STK32B: variants seen among roughly 807,000 people sequenced by gnomAD.
The protein encoded by STK32B is serine/threonine-protein kinase 32B.
A neutral mutation model predicts 52.6 loss-of-function variants in STK32B; 43 were observed. That is an observed-to-expected ratio of 0.82 (90% CI 0.64 to 1.05). STK32B has a LOEUF of 1.05. Among genes scored for constraint, STK32B ranks in the 50% least tolerant of loss-of-function variants. The probability of loss-of-function intolerance (pLI) is 0.00; values close to 1 mark genes in which losing one functional copy is unlikely to be tolerated. For missense variants in STK32B, 621 were observed against 534.6 expected, an observed-to-expected ratio of 1.16 and a Z score of -1.59; for synonymous variants, 238 against 204.3, an observed-to-expected ratio of 1.17 and a Z score of -1.41.
chr4:5,161,064 C>T (rs1165869071), intron 2 of STK32B, among the ~76,000 whole-genome samples: 2 of 152,158 alleles, frequency 1.3e-5, no homozygotes, highest in Admixed American at 6.5e-5. Flanking sequence ...GGCCTTTACT[C>T]CTACATATTG....
chr4:5,211,112 C>T (rs1722879562), intron 3 of STK32B, among the ~76,000 whole-genome samples: 1 of 152,090 alleles, frequency 6.6e-6, no homozygotes, highest in African/African-American at 2.4e-5. Context: ...CTTCTTATAT[C>T]CCCTGTCTTG....
intron 1 of STK32B, among the ~76,000 whole-genome samples, chr4:5,138,403 A>AAT (rs1472837268): frequency 4.6e-5 from 7 of 152,120 alleles, no homozygotes. Context: ...TTTTTTTGTA[A>AAT]ATAACATATC....
At position 5,339,055 on chromosome 4, in the gene STK32B, TTTCTA is replaced by T. The variant is rs572314692; in HGVS notation, c.434+7663_434+7667del. The stretch of plus-strand genomic sequence containing the variant: ...AATGAAAAATTAGAGCCATTCACTC[TTTCTA>T]CTTGACTGAATTATCCATCTTCTCC... On this transcript the variant is annotated intron_variant, in intron 4 of 11. Transcript: ENST00000282908. Among the ~76,000 whole-genome samples, 492 of 152,338 alleles carry T rather than the reference TTTCTA, an allele frequency of 3.2e-3. 5 individuals carry two copies. Among genetic ancestry groups the T allele is most frequent in the South Asian group, 0.025 (120 of 4,826 alleles).
Position 5,139,938 on chromosome 4 carries a change from T to C in STK32B, c.86T>C (p.Ile29Thr). 2 of 1,614,164 alleles carry C rather than the reference T, an allele frequency of 1.2e-6. No individual in the cohort carries two copies. Among genetic ancestry groups the C allele is most frequent in the Non-Finnish European group, 1.7e-6 (2 of 1,180,024 alleles). The change falls in exon 2 of 12, where the codon ATT (isoleucine) becomes ACT (threonine). Residue 29 changes from isoleucine (I) to threonine (T), a missense_variant. Ile to Thr is a moderately conservative substitution (Grantham distance 89). Transcript: ENST00000282908. ...NFDHFQILRA[I>T]GKGSFGKVCI... is the part of the protein sequence containing the mutation. ...GACCATTTTCAGATTCTGCGGGCCATTGGTAAAGGGAGTTTTGGAAAGGTA... is the reference window on the plus strand; with the variant it reads ...GACCATTTTCAGATTCTGCGGGCCACTGGTAAAGGGAGTTTTGGAAAGGTA...
chr4:5,477,099 A>G (rs1718297476), intron 11 of STK32B, among the ~76,000 whole-genome samples: 1 of 152,146 alleles, frequency 6.6e-6, no homozygotes, highest in South Asian at 2.1e-4. Context: ...CAAGGAAACA[A>G]ATATACCTTC....
chr4:5,437,987 C>A (rs1266274540), intron 6 of STK32B: 1 of 985,338 alleles, frequency 1.0e-6, no homozygotes, highest in Non-Finnish European at 1.2e-6. Flanking sequence ...AGACATTTGT[C>A]GCTTGTCTGA....
intron 3 of STK32B, among the ~76,000 whole-genome samples, chr4:5,209,961 G>A (rs1016592466): frequency 1.3e-5 from 2 of 152,146 alleles, no homozygotes; most frequent in African/African-American, 4.8e-5. Flanking sequence ...GCTGACACAG[G>A]GATTTAGGTC....
intron 4 of STK32B, among the ~76,000 whole-genome samples, chr4:5,357,303 C>T (rs748039505): frequency 1.4e-4 from 17 of 123,106 alleles, no homozygotes; most frequent in African/African-American, 2.2e-4. Flanking sequence ...GATAAATACA[C>T]GGTCCCTTTC....
intron 3 of STK32B, among the ~76,000 whole-genome samples, chr4:5,215,809 C>T (rs546085779): frequency 6.6e-6 from 1 of 152,276 alleles, no homozygotes; most frequent in Non-Finnish European, 1.5e-5. Flanking sequence ...CTCACCTTGC[C>T]TGACTCAGGA....
chr4:5,062,537 T>TG (rs1408031585), intron 1 of STK32B, among the ~76,000 whole-genome samples: 1 of 152,120 alleles, frequency 6.6e-6, no homozygotes, highest in African/African-American at 2.4e-5. Context: ...GACGGAGTCT[T>TG]GCACTGTCGC....
At chr4:5,356,905 G>A (rs1183111554) in intron 4 of STK32B, among the ~76,000 whole-genome samples, 1 of 152,126 alleles carries the variant, frequency 6.6e-6, no homozygotes, top group Non-Finnish European at 1.5e-5. Context: ...GGCTGAGGCA[G>A]GGGAATCACT....
At chr4:5,119,557 A>G (rs1486979104) in intron 1 of STK32B, among the ~76,000 whole-genome samples, 1 of 152,228 alleles carries the variant, frequency 6.6e-6, no homozygotes, top group Non-Finnish European at 1.5e-5. Context: ...TATTGTCAGT[A>G]TCTCCAGGCT....
At chr4:5,026,925 G>C in the STK32B span, among the ~76,000 whole-genome samples, 1 of 152,212 alleles carries the variant, frequency 6.6e-6, no homozygotes, top group Admixed American at 6.5e-5. Context: ...ACCACACGAA[G>C]AGTCTGAGTG....
intron 2 of STK32B, among the ~76,000 whole-genome samples, chr4:5,141,238 CA>C (rs1251875698): frequency 6.6e-6 from 1 of 152,206 alleles, no homozygotes; most frequent in Non-Finnish European, 1.5e-5. Context: ...GATGGTTCTG[CA>C]GGACAGTGCT....
chr4:5,269,047 G>A (rs151151962), intron 3 of STK32B, among the ~76,000 whole-genome samples: 159 of 152,224 alleles, frequency 1.0e-3, no homozygotes, highest in Middle Eastern at 6.8e-3. Flanking sequence ...TCTCTGAGTA[G>A]AAGAGACAGA....
rs563240846 is a variant in STK32B at position 5,469,827 on chromosome 4, G to C, written c.1106+1757G>C. ...GGGAAGACGGGGGCTGATGTCGTGA[G>C]TGGTTTCGGAGCTTATCCCAATTTG... On this transcript the variant is annotated intron_variant, in intron 11 of 11. Coordinates refer to ENST00000282908, the MANE Select transcript of STK32B (RefSeq NM_018401.3). The surrounding 1 kb of genome is among the most constrained non-coding windows in gnomAD (Gnocchi z 4.7). 6.6e-6 allele frequency among the ~76,000 whole-genome samples: 1 copy of C among 152,340 alleles called. No homozygotes were observed. Among genetic ancestry groups the C allele is most frequent in the East Asian group, 1.9e-4 (1 of 5,180 alleles).
chr4:5,129,738 A>G (rs886568942), intron 1 of STK32B, among the ~76,000 whole-genome samples: 4 of 152,092 alleles, frequency 2.6e-5, no homozygotes, highest in Non-Finnish European at 5.9e-5. Context: ...CATTGTGCCT[A>G]TTTTATCAAT....
intron 3 of STK32B, among the ~76,000 whole-genome samples, chr4:5,272,298 C>G (rs560914505): frequency 1.2e-3 from 185 of 148,672 alleles, no homozygotes; most frequent in African/African-American, 3.7e-3. Flanking sequence ...TTTATATGCT[C>G]GATTACATTT....
intron 5 of STK32B, among the ~76,000 whole-genome samples, chr4:5,401,624 G>A (rs910154035): frequency 1.3e-5 from 2 of 152,076 alleles, no homozygotes; most frequent in African/African-American, 2.4e-5. Flanking sequence ...CACGCATTGA[G>A]GTAAAATAGA....
Sources: gnomAD v4.1 joint callset for allele counts (sites outside exome capture counted in the v4.1 genomes callset) on GRCh38, gnomAD v4.1.1 for gene constraint, Gnocchi (gnomAD v3.1) non-coding constraint, MANE v1.5 for transcripts, NCBI Gene and HGNC (gene_info 2026-07-23, HGNC 2026-07-21) for gene names.